Variants in AUTS2 observed in about 807,000 individuals in gnomAD.
AUTS2 encodes the protein autism susceptibility gene 2 protein.
Under a neutral mutation model 112.4 loss-of-function variants are expected in AUTS2, and 17 were observed. The ratio of observed to expected loss-of-function variants is 0.15; its 90% CI spans 0.10 to 0.23. The LOEUF is 0.23. Ranked by LOEUF, AUTS2 falls within the 10% of genes least tolerant of loss-of-function variation. The pLI is 1.00. For missense variants in AUTS2, 1,510 were observed against 1,701.6 expected (o/e 0.89, Z 1.98); for synonymous variants, 751 against 702.7 (o/e 1.07, Z -1.09).
At chr7:69,758,987 A>G (rs923703231) in intron 1 of AUTS2, among the ~76,000 whole-genome samples, 3 of 152,228 alleles carry the variant, frequency 2.0e-5, no homozygotes, top group Non-Finnish European at 4.4e-5. Context: ...AATGTGGGTG[A>G]GGATAATAAT....
At chr7:70,094,762 A>G (rs541920048) in intron 2 of AUTS2, among the ~76,000 whole-genome samples, 15 of 152,310 alleles carry the variant, frequency 9.8e-5, no homozygotes, top group African/African-American at 3.6e-4. Flanking sequence ...GATGAGATTT[A>G]TAGTTCGTGA....
At chr7:70,651,066 T>C (rs1806480164) in intron 5 of AUTS2, among the ~76,000 whole-genome samples, 1 of 152,236 alleles carries the variant, frequency 6.6e-6, no homozygotes. Context: ...TGAGTAATGA[T>C]CAACTACAGT....
At chr7:70,526,230 C>G (rs1193795013) in intron 5 of AUTS2, among the ~76,000 whole-genome samples, 1 of 152,196 alleles carries the variant, frequency 6.6e-6, no homozygotes, top group Non-Finnish European at 1.5e-5. Flanking sequence ...GCAGCTGAGT[C>G]ACATAAAGAG....
chr7:69,608,613 A>C (rs976216378), intron 1 of AUTS2, among the ~76,000 whole-genome samples: 2 of 152,216 alleles, frequency 1.3e-5, no homozygotes, highest in Non-Finnish European at 2.9e-5. Context: ...CAAAGAAAAA[A>C]GTAAGAATGA....
intron 1 of AUTS2, among the ~76,000 whole-genome samples, chr7:69,780,316 C>T (rs1214378730): frequency 6.6e-6 from 1 of 152,166 alleles, no homozygotes; most frequent in Non-Finnish European, 1.5e-5. Context: ...CTAGAGCCTT[C>T]GTTACAATAC....
At chr7:70,169,412 T>C (rs910504109) in intron 4 of AUTS2, among the ~76,000 whole-genome samples, 1 of 152,046 alleles carries the variant, frequency 6.6e-6, no homozygotes, top group Non-Finnish European at 1.5e-5. Context: ...AGCTAATTTT[T>C]TTGTATTTTT....
chr7:70,777,100 C>T lies in AUTS2; in HGVS notation c.1933-3C>T, dbSNP rs774093098. Reference sequence around the variant, plus strand: ...CTAACCACGTTGCTCTTTCTTGTTCCAGAAACCAGGGAAGTGGTGTGCTAT... The same window carrying T: ...CTAACCACGTTGCTCTTTCTTGTTCTAGAAACCAGGGAAGTGGTGTGCTAT... On this transcript the variant is annotated splice_polypyrimidine_tract_variant and splice_region_variant and intron_variant, in intron 13 of 18. Coordinates refer to ENST00000342771, the MANE Select transcript of AUTS2 (RefSeq NM_015570.4). The T allele has an allele frequency of 6.2e-7, 1 of 1,614,002 alleles. No individual in the cohort carries two copies. Among genetic ancestry groups the T allele is most frequent in the Non-Finnish European group, 8.5e-7 (1 of 1,179,944 alleles).
At chr7:69,983,511 GTAC>G (rs1212163490) in intron 2 of AUTS2, among the ~76,000 whole-genome samples, 1 of 147,728 alleles carries the variant, frequency 6.8e-6, no homozygotes, top group Non-Finnish European at 1.5e-5. Flanking sequence ...GTGTCGCTTT[GTAC>G]TGTGTGTGTG....
At chr7:69,891,238 A>G (rs1157743260) in intron 1 of AUTS2, among the ~76,000 whole-genome samples, 1 of 152,082 alleles carries the variant, frequency 6.6e-6, no homozygotes, top group Non-Finnish European at 1.5e-5. Flanking sequence ...ACATAATATA[A>G]TCTTTTCCGT....
intron 2 of AUTS2, among the ~76,000 whole-genome samples, chr7:70,117,833 C>G (rs904894041): frequency 1.3e-5 from 2 of 151,916 alleles, no homozygotes. Context: ...GCTGCAACCT[C>G]CGCCTCCCAG....
intron 1 of AUTS2, among the ~76,000 whole-genome samples, chr7:69,649,691 G>A (rs1384606262): frequency 2.0e-5 from 3 of 151,362 alleles, no homozygotes; most frequent in Non-Finnish European, 4.4e-5. Flanking sequence ...TCTAGTGGAG[G>A]ATACAAACAT....
At position 70,754,020 on chromosome 7, in the gene AUTS2, G is replaced by A. The variant is rs1022533449; in HGVS notation, c.743-8850G>A. On this transcript the variant is annotated intron_variant, in intron 6 of 18. Transcript: ENST00000342771. ...AAATACAAAAAAAAAAATCAGCCAG[G>A]CGTGGTGGCGGGTGCCTGTAGTCCC... Among the ~76,000 whole-genome samples the A allele has an allele frequency of 3.3e-5, 5 of 151,924 alleles. 1 individual carries two copies. The highest frequency in any genetic ancestry group is 7.4e-5 in the Non-Finnish European group (5 of 67,976).
At chr7:70,193,627 G>T (rs1178013265) in intron 4 of AUTS2, among the ~76,000 whole-genome samples, 1 of 152,184 alleles carries the variant, frequency 6.6e-6, no homozygotes, top group Non-Finnish European at 1.5e-5. Context: ...GATGATTTTT[G>T]CAGCAACAAG....
intron 5 of AUTS2, among the ~76,000 whole-genome samples, chr7:70,595,503 C>T (rs1371126739): frequency 6.6e-6 from 1 of 151,938 alleles, no homozygotes; most frequent in Non-Finnish European, 1.5e-5. Context: ...TCTCGGTGCA[C>T]TGCTGTGTAT....
intron 5 of AUTS2, among the ~76,000 whole-genome samples, chr7:70,540,400 G>C (rs1350203744): frequency 1.3e-5 from 2 of 152,166 alleles, no homozygotes; most frequent in Non-Finnish European, 2.9e-5. Flanking sequence ...GCAGTGCCAA[G>C]AATTTCACTA....
At chr7:69,794,316 G>A (rs919964715) in intron 1 of AUTS2, among the ~76,000 whole-genome samples, 1 of 152,090 alleles carries the variant, frequency 6.6e-6, no homozygotes, top group South Asian at 2.1e-4. Context: ...GGTAATTTAG[G>A]GTCAGAATGG....
chr7:69,729,548 T>G (rs1786689096), intron 1 of AUTS2, among the ~76,000 whole-genome samples: 1 of 152,034 alleles, frequency 6.6e-6, no homozygotes, highest in Admixed American at 6.6e-5. Context: ...TTTCTTACAT[T>G]GCTATATCAT....
chr7:70,196,179 A>G (rs910082876), intron 4 of AUTS2, among the ~76,000 whole-genome samples: 2 of 152,220 alleles, frequency 1.3e-5, no homozygotes, highest in African/African-American at 4.8e-5. Context: ...AGTTAGAAGC[A>G]ATGAAATTGA....
chr7:70,682,473 G>T (rs934460670), intron 5 of AUTS2, among the ~76,000 whole-genome samples: 2 of 152,092 alleles, frequency 1.3e-5, no homozygotes, highest in African/African-American at 4.8e-5. Context: ...CTTATTTCAA[G>T]TTTTTTTGTT....
Sources: allele counts gnomAD v4.1 joint callset (sites outside exome capture counted in the v4.1 genomes callset), GRCh38; gene constraint gnomAD v4.1.1; transcripts MANE v1.5; gene names NCBI Gene and HGNC (gene_info 2026-07-23, HGNC 2026-07-21).